The following SOX5 variants were observed in gnomAD, a reference collection of about 807,000 sequenced individuals.
SOX5 encodes transcription factor SOX-5.
In SOX5, 9 loss-of-function variants were observed where a neutral mutation model predicts 92.0. That is an observed-to-expected ratio of 0.10 (90% CI 0.06 to 0.17). The LOEUF (loss-of-function observed/expected upper bound fraction) is 0.17, where lower values mean the gene tolerates loss of function less well. Ranked by LOEUF, SOX5 falls within the 10% of genes least tolerant of loss-of-function variation. The probability of loss-of-function intolerance (pLI) is 1.00; values close to 1 mark genes in which losing one functional copy is unlikely to be tolerated. For synonymous variants in SOX5, 344 were observed against 336.3 expected, an observed-to-expected ratio of 1.02 and a Z score of -0.25; for missense variants, 642 against 944.5, an observed-to-expected ratio of 0.68 and a Z score of 4.20.
intron 1 of SOX5, among the ~76,000 whole-genome samples, chr12:24,418,714 T>C (rs1457481952): frequency 6.6e-6 from 1 of 152,228 alleles, no homozygotes; most frequent in Non-Finnish European, 1.5e-5. Context: ...ACCTTTATTA[T>C]TAAACTGGTT....
At chr12:24,365,402 A>G (rs889029685) in intron 2 of SOX5, among the ~76,000 whole-genome samples, 1 of 152,092 alleles carries the variant, frequency 6.6e-6, no homozygotes, top group African/African-American at 2.4e-5. Flanking sequence ...TCTTGTCTTC[A>G]CCTTGTTAAA....
upstream of SOX5, chr12:23,950,729 T>C: frequency 1.3e-6 from 1 of 755,302 alleles, no homozygotes; most frequent in Non-Finnish European, 2.2e-6. Context: ...TTACAGATTC[T>C]AAGCTGGCTG....
At chr12:23,563,132 T>G in intron 11 of SOX5, 126 bp downstream of exon 11, 1 of 756,942 alleles carries the variant, frequency 1.3e-6, no homozygotes, top group South Asian at 1.9e-5. Flanking sequence ...TCTATATTAA[T>G]GGAGGGAGAA....
At chr12:23,790,589 G>A (rs1322798823) in intron 3 of SOX5, among the ~76,000 whole-genome samples, 1 of 147,292 alleles carries the variant, frequency 6.8e-6, no homozygotes, top group Non-Finnish European at 1.5e-5. Flanking sequence ...CGAAAGTTCT[G>A]TGAACACTCC....
intron 3 of SOX5, among the ~76,000 whole-genome samples, chr12:23,816,645 A>T (rs570318701): frequency 6.6e-6 from 1 of 152,178 alleles, no homozygotes; most frequent in Admixed American, 6.5e-5. Flanking sequence ...AGATATCTTA[A>T]GCAAATAAAA....
At chr12:24,190,954 A>G (rs914307493) in intron 4 of SOX5, among the ~76,000 whole-genome samples, 1 of 152,232 alleles carries the variant, frequency 6.6e-6, no homozygotes, top group Non-Finnish European at 1.5e-5. Flanking sequence ...TAAAATTTAA[A>G]AAAAAGAGAA....
intron 1 of SOX5, among the ~76,000 whole-genome samples, chr12:24,495,960 G>A (rs1947592974): frequency 6.6e-6 from 1 of 152,138 alleles, no homozygotes; most frequent in Non-Finnish European, 1.5e-5. Context: ...AAACTATACT[G>A]AGAATAAATA....
At chr12:24,191,566 T>C (rs1358814335) in intron 4 of SOX5, among the ~76,000 whole-genome samples, 5 of 152,188 alleles carry the variant, frequency 3.3e-5, no homozygotes, top group Non-Finnish European at 7.4e-5. Context: ...ACCAGATACG[T>C]TCCTACAGAG....
At chr12:23,802,317 T>A (rs749989121) in intron 3 of SOX5, among the ~76,000 whole-genome samples, 2 of 152,134 alleles carry the variant, frequency 1.3e-5, no homozygotes, top group Non-Finnish European at 2.9e-5. Flanking sequence ...CCTGACCTCG[T>A]GATCAGCCCG....
At chr12:23,651,780 T>C (rs1463103419) in intron 7 of SOX5, among the ~76,000 whole-genome samples, 3 of 151,654 alleles carry the variant, frequency 2.0e-5, no homozygotes, top group Non-Finnish European at 4.4e-5. Flanking sequence ...ATAGAGTAGA[T>C]GCTCAATTAA....
At chr12:24,206,117 C>T (rs1397252821) in intron 4 of SOX5, among the ~76,000 whole-genome samples, 1 of 152,180 alleles carries the variant, frequency 6.6e-6, no homozygotes. Context: ...AAAATAAGCG[C>T]TGCTTTAACT....
intron 2 of SOX5, among the ~76,000 whole-genome samples, chr12:24,358,608 T>A (rs1156437193): frequency 8.7e-6 from 1 of 114,488 alleles, no homozygotes; most frequent in African/African-American, 3.0e-5. Flanking sequence ...CGAGACTCCA[T>A]CTCAAAAAAA....
intron 4 of SOX5, among the ~76,000 whole-genome samples, chr12:24,108,977 T>G (rs1297008351): frequency 6.6e-6 from 1 of 152,186 alleles, no homozygotes; most frequent in Non-Finnish European, 1.5e-5. Flanking sequence ...CTAGCAATAT[T>G]TGAAGTTTTT....
intron 4 of SOX5, among the ~76,000 whole-genome samples, chr12:24,011,508 G>A (rs1053851561): frequency 1.3e-4 from 20 of 152,094 alleles, no homozygotes; most frequent in Admixed American, 3.9e-4. Flanking sequence ...CCCAAAAGAA[G>A]AAGATTCCAT....
intron 4 of SOX5, among the ~76,000 whole-genome samples, chr12:24,200,781 A>G (rs917804111): frequency 9.2e-5 from 14 of 152,190 alleles, no homozygotes; most frequent in Non-Finnish European, 1.9e-4. Flanking sequence ...CCATTATTTA[A>G]AAGACATTTT....
chr12:23,978,835 G>A (rs1049661435), intron 4 of SOX5, among the ~76,000 whole-genome samples: 10 of 152,206 alleles, frequency 6.6e-5, no homozygotes, highest in Middle Eastern at 3.4e-3. Flanking sequence ...TCTATTAAAT[G>A]ATTCATCACC....
chr12:23,570,870 C>T (rs1338181482), intron 10 of SOX5, among the ~76,000 whole-genome samples: 1 of 133,800 alleles, frequency 7.5e-6, no homozygotes, highest in Non-Finnish European at 1.5e-5. Context: ...AAGATTGCGC[C>T]ACTGCACTCC....
chr12:23,655,830 A>C (rs2082238239), intron 7 of SOX5, among the ~76,000 whole-genome samples: 1 of 152,166 alleles, frequency 6.6e-6, no homozygotes, highest in Non-Finnish European at 1.5e-5. Context: ...AATGAATATG[A>C]AAAAATACAT....
At chr12:24,155,083 C>G (rs1047312804) in intron 4 of SOX5, among the ~76,000 whole-genome samples, 1 of 152,028 alleles carries the variant, frequency 6.6e-6, no homozygotes, top group African/African-American at 2.4e-5. Flanking sequence ...AAACAGGCAT[C>G]ATCGTACGCT....
Sources: allele counts gnomAD v4.1 joint callset (sites outside exome capture counted in the v4.1 genomes callset), GRCh38; gene constraint gnomAD v4.1.1; transcripts MANE v1.5; gene names NCBI Gene and HGNC (gene_info 2026-07-23, HGNC 2026-07-21).